The following SLC2A4RG variants were observed in gnomAD, a reference collection of about 807,000 sequenced individuals.
The protein encoded by SLC2A4RG is GLUT4 enhancer factor.
SLC2A4RG carries 23 observed loss-of-function variants against 35.5 expected under a neutral mutation model. That is an observed-to-expected ratio of 0.65 (90% CI 0.47 to 0.92). SLC2A4RG has a LOEUF of 0.92. Among genes scored for constraint, SLC2A4RG ranks in the 40% least tolerant of loss-of-function variants. SLC2A4RG has a pLI of 0.00. For synonymous variants in SLC2A4RG, 306 were observed against 243.7 expected (o/e 1.26, Z -2.38); for missense variants, 539 against 525.0 (o/e 1.03, Z -0.26).
In SLC2A4RG at chr20:63,741,933, C is replaced by G; in HGVS notation, c.456C>G (p.Ser152Arg). ...CCCCAGGCAGCTACAGCAGCAGCAGCAACAGTGGAGACTGGGGATGGGACC... is the reference window on the plus strand; with the variant it reads ...CCCCAGGCAGCTACAGCAGCAGCAGGAACAGTGGAGACTGGGGATGGGACC... ...VRPPGSYSSS[S>R]NSGDWGWDLA... The change falls in exon 4 of 8, where the codon AGC (serine) becomes AGG (arginine). Residue 152 changes from serine (S) to arginine (R), a missense_variant. Coordinates refer to ENST00000266077, the MANE Select transcript of SLC2A4RG (RefSeq NM_020062.4). 1.2e-6 allele frequency: 2 copies of G among 1,612,648 alleles called. No homozygotes were observed. The highest frequency in any genetic ancestry group is 1.7e-6 in the Non-Finnish European group (2 of 1,179,768).
In SLC2A4RG at chr20:63,741,571, C is replaced by G. The variant is rs1568812160; in HGVS notation, c.391+92C>G. ...GCCTCTGTGGGGCAAGCAGAGCCCT[C>G]AAACCTGGGACTCCTTTCTAAAATG... On this transcript the variant is annotated intron_variant, in intron 3 of 7. Coordinates refer to ENST00000266077, the MANE Select transcript of SLC2A4RG (RefSeq NM_020062.4). 4.0e-6 allele frequency: 5 copies of G among 1,261,160 alleles called. No individual in the cohort carries two copies. The East Asian group carries it at 1.3e-4, about 32-fold the overall frequency. 78.1% of individuals were successfully genotyped at this position (1,261,160 alleles called of 1,614,324 possible). A position where few individuals can be genotyped will look rare whatever the true frequency, so the allele number is the denominator to read the frequency against.
At chr20:63,740,681 C>G (rs1204338226) in intron 2 of SLC2A4RG, 150 bp downstream of exon 2, 1 of 784,248 alleles carries the variant, frequency 1.3e-6, no homozygotes, top group Non-Finnish European at 1.7e-6. Context: ...AGGAGCTGAG[C>G]AGAAATGATC....
At chr20:63,740,214 C>T (rs1051218441) in intron 1 of SLC2A4RG, 163 bp from the exon 2 acceptor site, 35 of 419,648 alleles carry the variant, frequency 8.3e-5, no homozygotes, top group African/African-American at 6.3e-4. Context: ...GGAGCCCTTC[C>T]CGCCGCGCCG....
chr20:63,741,361 C>T lies in SLC2A4RG; in HGVS notation c.282-9C>T, dbSNP rs778845560. 6.2e-7 allele frequency: 1 copy of T among 1,611,834 alleles called. No homozygotes were observed. The highest frequency in any genetic ancestry group is 1.3e-5 in the African/African-American group (1 of 75,006). On this transcript the variant is annotated splice_polypyrimidine_tract_variant and intron_variant, in intron 2 of 7. Transcript: ENST00000266077. ...TGGGTCACCCGCACCCCGCCCCCAT[C>T]TCCTCCAGAGCCACCCCAGGAAAAG...
chr20:63,743,099 G>T lies in SLC2A4RG; in HGVS notation c.*109G>T. ...CCCCAGGGGCTGGCTTTCACCAGCT[G>T]CAGGGTCTGCTTTTACTTGGGGTGG... On this transcript the variant is annotated 3_prime_UTR_variant, in exon 8 of 8. Coordinates refer to ENST00000266077, the MANE Select transcript of SLC2A4RG (RefSeq NM_020062.4). 3.3e-6 allele frequency: 1 copy of T among 305,656 alleles called. No individual in the cohort carries two copies. Among genetic ancestry groups the T allele is most frequent in the Non-Finnish European group, 5.5e-6 (1 of 180,666 alleles). The allele number at this position is 305,656 out of a possible 1,614,324, so 18.9% of individuals were successfully genotyped here. A position where few individuals can be genotyped will look rare whatever the true frequency, so the allele number is the denominator to read the frequency against.
chr20:63,741,352 C>G lies in SLC2A4RG; in HGVS notation c.282-18C>G, dbSNP rs755299094. ...AGCTCTGGCTGGGTCACCCGCACCCCGCCCCCATCTCCTCCAGAGCCACCC... is the reference window on the plus strand; with the variant it reads ...AGCTCTGGCTGGGTCACCCGCACCCGGCCCCCATCTCCTCCAGAGCCACCC... On this transcript the variant is annotated intron_variant, in intron 2 of 7. Transcript: ENST00000266077. 1.2e-6 allele frequency: 2 copies of G among 1,609,432 alleles called. No individual in the cohort carries two copies. Among genetic ancestry groups the G allele is most frequent in the East Asian group, 4.5e-5 (2 of 44,874 alleles).
rs199996953 is a variant in SLC2A4RG at position 63,741,454 on chromosome 20, G to A, written c.366G>A (p.Gly122=). The A allele has an allele frequency of 1.2e-6, 2 of 1,613,386 alleles. No individual in the cohort carries two copies. The highest frequency in any genetic ancestry group is 1.7e-5 in the Admixed American group (1 of 59,992). ...TSLSTSPLLL[G]APVAAFSPEP... Reference sequence around the variant, plus strand: ...TGTCCACCAGCCCTCTCCTTCTGGGGGCCCCGGTTGCAGCCTTCAGCCCAG... The same window carrying A: ...TGTCCACCAGCCCTCTCCTTCTGGGAGCCCCGGTTGCAGCCTTCAGCCCAG... Residue 122 remains glycine, a synonymous_variant, in exon 3 of 8, where the codon GGG becomes GGA. Transcript: ENST00000266077.
chr20:63,740,995 G>A (rs552365010), intron 2 of SLC2A4RG, among the ~76,000 whole-genome samples: 1 of 152,224 alleles, frequency 6.6e-6, no homozygotes, highest in East Asian at 1.9e-4. Context: ...CCACCTCCCA[G>A]GCCTGGCGTG....
In SLC2A4RG at chr20:63,742,691, C is replaced by G. The variant is rs1356866751; in HGVS notation, c.961-8C>G. 6 of 1,598,528 alleles carry G rather than the reference C, an allele frequency of 3.8e-6. No homozygotes were observed. In the African/African-American group the frequency reaches 5.4e-5, roughly 14 times the overall value. Reference sequence around the variant, plus strand: ...GGGGAGTGAAGCCCTGGCTGTGTCTCCCTGTAGGGCTGCCTGACGCCCGCC... The same window carrying G: ...GGGGAGTGAAGCCCTGGCTGTGTCTGCCTGTAGGGCTGCCTGACGCCCGCC... On this transcript the variant is annotated splice_polypyrimidine_tract_variant and splice_region_variant and intron_variant, in intron 6 of 7. Coordinates refer to ENST00000266077, the MANE Select transcript of SLC2A4RG (RefSeq NM_020062.4).
At chr20:63,740,283 C>T in intron 1 of SLC2A4RG, 94 bp from the exon 2 acceptor site, 1 of 891,652 alleles carries the variant, frequency 1.1e-6, no homozygotes, top group Non-Finnish European at 1.5e-6. Context: ...AGCCGGTTTT[C>T]GAGGCGGGCG....
chr20:63,743,034 CA>C lies in SLC2A4RG; in HGVS notation c.*45del. 6.6e-7 allele frequency: 1 copy of C among 1,503,952 alleles called. No homozygotes were observed. The highest frequency in any genetic ancestry group is 9.0e-7 in the Non-Finnish European group (1 of 1,110,862). 93.2% of individuals were successfully genotyped at this position (1,503,952 alleles called of 1,614,324 possible). ...CATAAGCTACCACCTTCTCCCTCCC[CA>C]CCCCCTCCAGGCCCGGGGCTGAAAC... On this transcript the variant is annotated 3_prime_UTR_variant, in exon 8 of 8. Coordinates refer to ENST00000266077, the MANE Select transcript of SLC2A4RG (RefSeq NM_020062.4).
rs1379753904 is a variant in SLC2A4RG at position 63,740,384 on chromosome 20, C to T, written c.134C>T (p.Ser45Phe). 1.6e-6 allele frequency: 2 copies of T among 1,228,498 alleles called. No homozygotes were observed. The highest frequency in any genetic ancestry group is 2.0e-6 in the Non-Finnish European group (2 of 984,918). 76.1% of individuals were successfully genotyped at this position (1,228,498 alleles called of 1,614,324 possible). ...VTVPTPPQGSSVGGGFAGLEF... is the reference protein window; with the variant it reads ...VTVPTPPQGSFVGGGFAGLEF... ...CCCCCTCCCCATCCGCAGGGCTCTTCCGTGGGCGGCGGCTTCGCGGGCTTG... is the reference window on the plus strand; with the variant it reads ...CCCCCTCCCCATCCGCAGGGCTCTTTCGTGGGCGGCGGCTTCGCGGGCTTG... The change falls in exon 2 of 8, where the codon TCC (serine) becomes TTC (phenylalanine). Residue 45 changes from serine (S) to phenylalanine (F), a missense_variant. Ser to Phe is a radical substitution (Grantham distance 155). Transcript: ENST00000266077.
intron 1 of SLC2A4RG, 105 bp from the exon 2 acceptor site, chr20:63,740,272 C>A: frequency 1.2e-6 from 1 of 810,144 alleles, no homozygotes; most frequent in Non-Finnish European, 1.6e-6. Flanking sequence ...ACACCGGCCG[C>A]AGCCGGTTTT....
Position 63,739,824 on chromosome 20 carries a change from T to TC in SLC2A4RG, c.-88dup. The TC allele has an allele frequency of 1.0e-6, 1 of 957,800 alleles. No individual in the cohort carries two copies. The highest frequency in any genetic ancestry group is 1.2e-6 in the Non-Finnish European group (1 of 817,784). The allele number at this position is 957,800 out of a possible 1,614,324, so 59.3% of individuals were successfully genotyped here. The stretch of plus-strand genomic sequence containing the variant: ...GCGGCGGCCGGATCCAGGGCGGGGG[T>TC]CGGCGGCCCGGCCAGCCCGGCCCGG... On this transcript the variant is annotated 5_prime_UTR_variant, in exon 1 of 8. Coordinates refer to ENST00000266077, the MANE Select transcript of SLC2A4RG (RefSeq NM_020062.4).
In SLC2A4RG at chr20:63,742,330, C is replaced by T. The variant is rs763415245; in HGVS notation, c.681-6C>T. On this transcript the variant is annotated splice_region_variant and splice_polypyrimidine_tract_variant and intron_variant, in intron 5 of 7. Coordinates refer to ENST00000266077, the MANE Select transcript of SLC2A4RG (RefSeq NM_020062.4). ...AGCTCCCACTGGCTGGCTGTGTCTC[C>T]CGCAGGAGGCAGGCAGAGCCTGAGC... 14 of 1,606,832 alleles carry T rather than the reference C, an allele frequency of 8.7e-6. No individual in the cohort carries two copies. Among genetic ancestry groups the T allele is most frequent in the Non-Finnish European group, 1.2e-5 (14 of 1,176,368 alleles).
At chr20:63,741,830 C>T (rs754916492) in intron 3 of SLC2A4RG, 39 bp from the exon 4 acceptor site, 1 of 1,536,994 alleles carries the variant, frequency 6.5e-7, no homozygotes, top group South Asian at 1.2e-5. Flanking sequence ...TCCCTGGACC[C>T]ACCCGAAGTT....
chr20:63,739,995 C>G lies in SLC2A4RG; in HGVS notation c.83C>G (p.Pro28Arg). The G allele has an allele frequency of 1.0e-6, 1 of 980,750 alleles. No individual in the cohort carries two copies. The highest frequency in any genetic ancestry group is 1.2e-6 in the Non-Finnish European group (1 of 828,320). 60.8% of individuals were successfully genotyped at this position (980,750 alleles called of 1,614,324 possible). ...GCGCCGTGGCTGCGCGCGGAGGGTC[C>G]GGGGCCGCGCGCCGCGCCCGTGACG... ...AEAPWLRAEG[P>R]GPRAAPVTVP... is the part of the protein sequence containing the mutation. Residue 28 changes from proline to arginine, a missense_variant, in exon 1 of 8, where the codon CCG (proline) becomes CGG (arginine). Physicochemically the swap from Pro to Arg is moderately radical, Grantham distance 103. Coordinates refer to ENST00000266077, the MANE Select transcript of SLC2A4RG (RefSeq NM_020062.4).
rs964564130 is a variant in SLC2A4RG at position 63,742,945 on chromosome 20, C to T, written c.1119C>T (p.Cys373=). The change falls in exon 8 of 8, where the codon TGC becomes TGT. Residue 373 remains cysteine (C), a synonymous_variant. Transcript: ENST00000266077. The part of the protein sequence containing the change: ...VYGMERRDLW[C]TACRWKKACQ... ...GCATGGAGCGCCGGGACCTCTGGTG[C>T]ACAGCCTGCCGCTGGAAGAAAGCCT... 5 of 1,612,200 alleles carry T rather than the reference C, an allele frequency of 3.1e-6. No individual in the cohort carries two copies. Among genetic ancestry groups the T allele is most frequent in the Non-Finnish European group, 4.2e-6 (5 of 1,179,558 alleles).
At chr20:63,742,254 C>A (rs532792934) in intron 5 of SLC2A4RG, 24 bp downstream of exon 5, 3 of 1,583,530 alleles carry the variant, frequency 1.9e-6, no homozygotes, top group South Asian at 1.1e-5. Context: ...TGGGGTGCGG[C>A]GGGGCCTGCG....
Sources: allele counts gnomAD v4.1 joint callset (sites outside exome capture counted in the v4.1 genomes callset), GRCh38; gene constraint gnomAD v4.1.1; transcripts MANE v1.5; gene names NCBI Gene and HGNC (gene_info 2026-07-23, HGNC 2026-07-21).